Variants in CA10 observed in about 807,000 individuals in gnomAD.
CA10 encodes carbonic anhydrase 10 (inactive).
A neutral mutation model predicts 44.2 loss-of-function variants in CA10; 14 were observed. The ratio of observed to expected loss-of-function variants is 0.32; its 90% CI spans 0.21 to 0.50. The LOEUF (loss-of-function observed/expected upper bound fraction) is 0.50. Ranked by LOEUF, CA10 falls within the 20% of genes least tolerant of loss-of-function variation. CA10 has a pLI of 0.99. For missense variants in CA10, 350 were observed against 409.7 expected (o/e 0.85, Z 1.26); for synonymous variants, 159 against 141.6 (o/e 1.12, Z -0.87).
intron 2 of CA10, among the ~76,000 whole-genome samples, chr17:52,007,523 T>A (rs1985641417): frequency 6.6e-6 from 1 of 151,610 alleles, no homozygotes; most frequent in African/African-American, 2.4e-5. Context: ...TGTACAGAAT[T>A]ATACTGAGAG....
chr17:51,820,193 C>CTG (rs1413573510), intron 3 of CA10, among the ~76,000 whole-genome samples: 1 of 130,738 alleles, frequency 7.6e-6, no homozygotes, highest in Non-Finnish European at 1.6e-5. Context: ...CCGCCCCCCC[C>CTG]CCCCCAGGTA....
At chr17:51,950,206 C>T (rs1567896952) in intron 2 of CA10, among the ~76,000 whole-genome samples, 1 of 152,082 alleles carries the variant, frequency 6.6e-6, no homozygotes, top group East Asian at 1.9e-4. Flanking sequence ...CAGGGCTGCT[C>T]AAAGGTCAAT....
At chr17:51,726,231 C>T (rs1916516919) in intron 4 of CA10, among the ~76,000 whole-genome samples, 1 of 135,702 alleles carries the variant, frequency 7.4e-6, no homozygotes, top group African/African-American at 2.8e-5. Context: ...CAGCACGAGT[C>T]CCACTTTCTC....
At position 52,157,819 on chromosome 17, in the gene CA10, C is replaced by A. The variant is rs774115154; in HGVS notation, c.-33G>T. The A allele has an allele frequency of 6.3e-7, 1 of 1,585,024 alleles. No homozygotes were observed. On this transcript the variant is annotated 5_prime_UTR_variant, in exon 1 of 9. Transcript: ENST00000451037. Reference sequence around the variant, plus strand: ...TTCTCATTCCAAGTGCATCACTCGACGGGAAAACGGGGGGAAGGGGGGAGC... The same window carrying A: ...TTCTCATTCCAAGTGCATCACTCGAAGGGAAAACGGGGGGAAGGGGGGAGC...
chr17:51,890,630 A>C (rs1980814540), intron 3 of CA10, among the ~76,000 whole-genome samples: 1 of 152,232 alleles, frequency 6.6e-6, no homozygotes. Flanking sequence ...ATAAATAAAA[A>C]ATGAGTGAAC....
At chr17:51,979,363 C>T (rs920605840) in intron 2 of CA10, among the ~76,000 whole-genome samples, 1 of 152,066 alleles carries the variant, frequency 6.6e-6, no homozygotes, top group Admixed American at 6.6e-5. Flanking sequence ...TTTAGGGGTA[C>T]ATGTGAATAT....
At position 52,007,996 on chromosome 17, in the gene CA10, T is replaced by C. The variant is rs183641326; in HGVS notation, c.136+64323A>G. 5.9e-5 allele frequency among the ~76,000 whole-genome samples: 9 copies of C among 151,836 alleles called. No individual in the cohort carries two copies. In the East Asian group the frequency reaches 1.7e-3, roughly 29 times the overall value. On this transcript the variant is annotated intron_variant, in intron 2 of 8. Coordinates refer to ENST00000451037, the MANE Select transcript of CA10 (RefSeq NM_020178.5). ...GGTGTAATAAAATGACTGATCAAAATAGTACCATAGTTTTATCTTTCCACT... is the reference window on the plus strand; with the variant it reads ...GGTGTAATAAAATGACTGATCAAAACAGTACCATAGTTTTATCTTTCCACT...
chr17:52,054,657 C>T (rs1477138951), intron 2 of CA10, among the ~76,000 whole-genome samples: 2 of 152,036 alleles, frequency 1.3e-5, no homozygotes, highest in Admixed American at 1.3e-4. Context: ...CTCCCCCAGA[C>T]ACCCAGCTTT....
chr17:52,068,162 G>T (rs1029148371), intron 2 of CA10, among the ~76,000 whole-genome samples: 5 of 152,130 alleles, frequency 3.3e-5, no homozygotes, highest in Non-Finnish European at 7.4e-5. Context: ...CATTTCAAAG[G>T]AGAGACCAGG....
chr17:52,052,038 A>T (rs1336132782), intron 2 of CA10, among the ~76,000 whole-genome samples: 1 of 152,070 alleles, frequency 6.6e-6, no homozygotes, highest in African/African-American at 2.4e-5. Context: ...TCAGAAAATC[A>T]CATACTTCAT....
At chr17:51,795,422 CAGAGA>C (rs1456259520) in intron 3 of CA10, among the ~76,000 whole-genome samples, 2 of 151,906 alleles carry the variant, frequency 1.3e-5, no homozygotes, top group Middle Eastern at 3.2e-3. Flanking sequence ...GCTTTTTAGC[CAGAGA>C]AAAGGAAACA....
chr17:51,810,251 T>C lies in CA10; in HGVS notation c.280-62433A>G, dbSNP rs531263951. On this transcript the variant is annotated intron_variant, in intron 3 of 8. Coordinates refer to ENST00000451037, the MANE Select transcript of CA10 (RefSeq NM_020178.5). ...ATAAAATCCAAGAAAGCAGGAACCA[T>C]GTCTGTCTGATTTCTAGCTGAATTC... 1.1e-4 allele frequency among the ~76,000 whole-genome samples: 16 copies of C among 152,338 alleles called. No homozygotes were observed. In the East Asian group the frequency reaches 2.9e-3, roughly 28 times the overall value.
chr17:52,101,694 G>A (rs930030296), intron 1 of CA10, among the ~76,000 whole-genome samples: 7 of 152,174 alleles, frequency 4.6e-5, no homozygotes, highest in Admixed American at 1.3e-4. Context: ...TTGATCACTT[G>A]TCTTGGCTGC....
At chr17:52,067,948 C>G (rs920642870) in intron 2 of CA10, among the ~76,000 whole-genome samples, 2 of 152,170 alleles carry the variant, frequency 1.3e-5, no homozygotes, top group East Asian at 3.8e-4. Flanking sequence ...AAGGGGCTGG[C>G]CTTGTCTTAG....
rs147030593 is a variant in CA10 at position 52,130,168 on chromosome 17, G to C, written c.61+27558C>G. ...ATGAAAGATAACAAGTGTTGGTGAGGATATGGAGAAAAGGGATCCCTTGTG... is the reference window on the plus strand; with the variant it reads ...ATGAAAGATAACAAGTGTTGGTGAGCATATGGAGAAAAGGGATCCCTTGTG... On this transcript the variant is annotated intron_variant, in intron 1 of 8. Coordinates refer to ENST00000451037, the MANE Select transcript of CA10 (RefSeq NM_020178.5). Among the ~76,000 whole-genome samples the C allele has an allele frequency of 4.0e-3, 610 of 152,232 alleles. 7 individuals carry two copies. Among genetic ancestry groups the C allele is most frequent in the African/African-American group, 0.014 (576 of 41,558 alleles).
chr17:51,811,089 G>A (rs868856751), intron 3 of CA10, among the ~76,000 whole-genome samples: 1 of 151,934 alleles, frequency 6.6e-6, no homozygotes, highest in Non-Finnish European at 1.5e-5. Context: ...CCAGCTAGTC[G>A]GGAGGCTGAG....
At chr17:51,845,365 C>A (rs1285509838) in intron 3 of CA10, among the ~76,000 whole-genome samples, 2 of 152,146 alleles carry the variant, frequency 1.3e-5, no homozygotes, top group Non-Finnish European at 2.9e-5. Flanking sequence ...GATATTCTAG[C>A]AGCCTGCAGA....
chr17:51,673,974 C>A (rs537597516), intron 4 of CA10, among the ~76,000 whole-genome samples: 1 of 152,200 alleles, frequency 6.6e-6, no homozygotes, highest in Non-Finnish European at 1.5e-5. Flanking sequence ...GTCCTTCCCC[C>A]CCAGGTTCAT....
rs548870655 is a variant in CA10, at chr17:51,816,004, C to G, written c.280-68186G>C. 1.1e-3 allele frequency among the ~76,000 whole-genome samples: 165 copies of G among 152,214 alleles called. 1 individual carries two copies. The highest frequency in any genetic ancestry group is 3.8e-3 in the African/African-American group (159 of 41,546). On this transcript the variant is annotated intron_variant, in intron 3 of 8. Coordinates refer to ENST00000451037, the MANE Select transcript of CA10 (RefSeq NM_020178.5). The stretch of plus-strand genomic sequence containing the variant: ...GACCAAAGTTACCCTGTTGTGCTAT[C>G]AAATAGTAGATCTTGTTCATTCTTT...
Sources: gnomAD v4.1 joint callset for allele counts (sites outside exome capture counted in the v4.1 genomes callset) on GRCh38, gnomAD v4.1.1 for gene constraint, MANE v1.5 for transcripts, NCBI Gene and HGNC (gene_info 2026-07-23, HGNC 2026-07-21) for gene names.